Variants in NXPE2 observed in about 807,000 individuals in gnomAD.
NXPE2 encodes the protein NXPE family member 2.
NXPE2 carries 34 observed loss-of-function variants against 34.4 expected under a neutral mutation model. The ratio of observed to expected loss-of-function variants is 0.99; its 90% CI spans 0.75 to 1.31. NXPE2 has a LOEUF of 1.31. NXPE2 is among the 40% of genes most tolerant of loss of function. NXPE2 has a pLI of 0.00. For missense variants in NXPE2, 649 were observed against 672.5 expected (o/e 0.97, Z 0.39); for synonymous variants, 235 against 231.3 (o/e 1.02, Z -0.15).
chr11:114,627,945 G>A, the NXPE2 span, among the ~76,000 whole-genome samples: 1,184 of 151,984 alleles, frequency 7.8e-3, 4 homozygotes, highest in Non-Finnish European at 0.012. Flanking sequence ...AATGGTAAAG[G>A]GATCAACTCA....
At chr11:114,527,673 C>G in the NXPE2 span, among the ~76,000 whole-genome samples, 1 of 152,156 alleles carries the variant, frequency 6.6e-6, no homozygotes, top group Non-Finnish European at 1.5e-5. Flanking sequence ...CTCCTATAAA[C>G]ATTTTGAAAT....
the NXPE2 span, among the ~76,000 whole-genome samples, chr11:114,566,153 G>C: frequency 6.6e-6 from 1 of 152,178 alleles, no homozygotes; most frequent in South Asian, 2.1e-4. Flanking sequence ...AATTAGATAT[G>C]CAAGTCCTAA....
At chr11:114,596,744 A>G in the NXPE2 span, among the ~76,000 whole-genome samples, 1 of 152,222 alleles carries the variant, frequency 6.6e-6, no homozygotes, top group Non-Finnish European at 1.5e-5. Flanking sequence ...TCCTTAGAGG[A>G]CTGATGCCAG....
chr11:114,784,268 C>T, the NXPE2 span, among the ~76,000 whole-genome samples: 1 of 152,238 alleles, frequency 6.6e-6, no homozygotes, highest in Admixed American at 6.5e-5. Flanking sequence ...CCATCTCTGT[C>T]CTGGGCTAAT....
the NXPE2 span, among the ~76,000 whole-genome samples, chr11:114,588,411 G>A: frequency 6.6e-6 from 1 of 152,158 alleles, no homozygotes; most frequent in Non-Finnish European, 1.5e-5. Flanking sequence ...TAACTCAGGT[G>A]TCTAACCTCT....
the NXPE2 span, among the ~76,000 whole-genome samples, chr11:114,601,506 A>T: frequency 1.0e-4 from 2 of 19,844 alleles, no homozygotes; most frequent in Non-Finnish European, 2.4e-4. Flanking sequence ...ATAGTATATA[A>T]ATTATATATT....
the NXPE2 span, among the ~76,000 whole-genome samples, chr11:114,741,152 C>T: frequency 2.0e-5 from 3 of 152,152 alleles, no homozygotes; most frequent in Non-Finnish European, 4.4e-5. Flanking sequence ...TGTCATCCTA[C>T]TGTCTCCTGG....
At chr11:114,637,357 C>T in the NXPE2 span, among the ~76,000 whole-genome samples, 4 of 151,986 alleles carry the variant, frequency 2.6e-5, no homozygotes, top group African/African-American at 9.6e-5. Flanking sequence ...CCATGTGTGT[C>T]TCTGCCTGTG....
chr11:114,665,028 A>G, the NXPE2 span, among the ~76,000 whole-genome samples: 1 of 152,194 alleles, frequency 6.6e-6, no homozygotes, highest in Non-Finnish European at 1.5e-5. Context: ...TTAATGGAAC[A>G]TAACCCCATG....
chr11:114,581,683 G>A, the NXPE2 span: 501 of 1,465,046 alleles, frequency 3.4e-4, 2 homozygotes, highest in African/African-American at 6.0e-3. Context: ...CTTTAAATGG[G>A]TCTAGAACTA....
the NXPE2 span, among the ~76,000 whole-genome samples, chr11:114,638,910 C>T: frequency 1.3e-5 from 2 of 151,786 alleles, no homozygotes; most frequent in East Asian, 3.9e-4. Context: ...GCTTGGGGGT[C>T]AGGGGTCAGG....
chr11:114,652,486 C>T, the NXPE2 span, among the ~76,000 whole-genome samples: 3 of 152,120 alleles, frequency 2.0e-5, no homozygotes, highest in Admixed American at 1.3e-4. Context: ...ACACAATTCT[C>T]TACTATATAA....
chr11:114,633,077 A>C, the NXPE2 span, among the ~76,000 whole-genome samples: 2 of 116,726 alleles, frequency 1.7e-5, no homozygotes, highest in African/African-American at 7.0e-5. Context: ...GTTTTTTATA[A>C]TTTATCTTTT....
At chr11:114,742,652 T>C in the NXPE2 span, among the ~76,000 whole-genome samples, 1 of 149,250 alleles carries the variant, frequency 6.7e-6, no homozygotes. Flanking sequence ...AACACTGTAC[T>C]AGAACTTCTT....
the NXPE2 span, among the ~76,000 whole-genome samples, chr11:114,600,987 C>A: frequency 6.6e-6 from 1 of 151,944 alleles, no homozygotes; most frequent in Non-Finnish European, 1.5e-5. Context: ...GCCAAATAGT[C>A]CATCATTTCG....
the NXPE2 span, among the ~76,000 whole-genome samples, chr11:114,525,654 A>G: frequency 1.3e-5 from 2 of 152,336 alleles, no homozygotes; most frequent in Middle Eastern, 6.8e-3. Flanking sequence ...AGGTCACAAC[A>G]TATGCCTGAG....
At chr11:114,700,520 G>A (rs1465555069) in intron 3 of NXPE2, among the ~76,000 whole-genome samples, 6 of 152,058 alleles carry the variant, frequency 3.9e-5, no homozygotes, top group East Asian at 1.9e-4. Context: ...AGGCTGGAAC[G>A]CGGGAAGTGA....
intron 2 of NXPE2, among the ~76,000 whole-genome samples, chr11:114,681,223 CTCAG>C (rs1950944617): frequency 6.6e-6 from 1 of 152,180 alleles, no homozygotes; most frequent in Non-Finnish European, 1.5e-5. Flanking sequence ...TGCCTCCAGT[CTCAG>C]CCTGCTCTAA....
chr11:114,491,984 G>C, the NXPE2 span, among the ~76,000 whole-genome samples: 1 of 152,076 alleles, frequency 6.6e-6, no homozygotes, highest in African/African-American at 2.4e-5. Context: ...ACAGGAAGGG[G>C]AACATCACGC....
Sources: allele counts gnomAD v4.1 joint callset (sites outside exome capture counted in the v4.1 genomes callset), GRCh38; gene constraint gnomAD v4.1.1; transcripts MANE v1.5; gene names NCBI Gene and HGNC (gene_info 2026-07-23, HGNC 2026-07-21).